DPYD: variants seen among roughly 807,000 people sequenced by gnomAD.
DPYD encodes dihydropyrimidine dehydrogenase.
In DPYD, 109 loss-of-function variants were observed where a neutral mutation model predicts 116.2. The ratio of observed to expected loss-of-function variants is 0.94; its 90% CI spans 0.80 to 1.10. DPYD has a LOEUF of 1.10. Among genes scored for constraint, DPYD ranks in the 50% least tolerant of loss-of-function variants. The probability of loss-of-function intolerance (pLI) is 0.00; values close to 1 mark genes in which losing one functional copy is unlikely to be tolerated. For missense variants in DPYD, 1,302 were observed against 1,254.5 expected (o/e 1.04, Z -0.57); for synonymous variants, 440 against 432.0 (o/e 1.02, Z -0.23).
chr1:97,694,335 T>TA (rs1183284447), intron 6 of DPYD, among the ~76,000 whole-genome samples: 2 of 152,072 alleles, frequency 1.3e-5, no homozygotes, highest in African/African-American at 2.4e-5. Flanking sequence ...AGTCAGCAAA[T>TA]AGACGAAACA....
In DPYD at chr1:97,227,982, C is replaced by G. The variant is rs1260252727; in HGVS notation, c.2442+6870G>C. 2.0e-5 allele frequency among the ~76,000 whole-genome samples: 3 copies of G among 151,790 alleles called. No homozygotes were observed. In the South Asian group the frequency reaches 6.2e-4, roughly 31 times the overall value. Reference sequence around the variant, plus strand: ...AATAAAAATTTTCTAGGATTTACAACCATCATTTTTTAATAAAAATATTAT... The same window carrying G: ...AATAAAAATTTTCTAGGATTTACAAGCATCATTTTTTAATAAAAATATTAT... On this transcript the variant is annotated intron_variant, in intron 19 of 22. Transcript: ENST00000370192.
At chr1:97,107,448 G>C (rs1392705080) in intron 20 of DPYD, among the ~76,000 whole-genome samples, 1 of 152,068 alleles carries the variant, frequency 6.6e-6, no homozygotes, top group Non-Finnish European at 1.5e-5. Flanking sequence ...TGAGGTAGGG[G>C]AGGTGACATG....
intron 3 of DPYD, among the ~76,000 whole-genome samples, chr1:97,761,736 G>C (rs1406878716): frequency 1.3e-5 from 2 of 152,070 alleles, no homozygotes; most frequent in Non-Finnish European, 2.9e-5. Flanking sequence ...ATTCACAATA[G>C]CAGAGACGTT....
intron 16 of DPYD, among the ~76,000 whole-genome samples, chr1:97,350,918 A>G (rs1670106609): frequency 6.6e-6 from 1 of 152,164 alleles, no homozygotes; most frequent in Non-Finnish European, 1.5e-5. Context: ...TAGTAATGAA[A>G]TGAATGAAAC....
At chr1:97,869,469 T>C (rs1450292924) in intron 2 of DPYD, among the ~76,000 whole-genome samples, 6 of 151,774 alleles carry the variant, frequency 4.0e-5, no homozygotes, top group Non-Finnish European at 8.8e-5. Flanking sequence ...CACCTTGGTA[T>C]AAGGACCATT....
chr1:97,554,611 G>T (rs1015321244), intron 11 of DPYD, among the ~76,000 whole-genome samples: 2 of 152,100 alleles, frequency 1.3e-5, no homozygotes, highest in Admixed American at 1.3e-4. Flanking sequence ...ATCTCAGCAA[G>T]ATCAAAATAA....
At chr1:97,483,314 G>T (rs571082190) in intron 13 of DPYD, among the ~76,000 whole-genome samples, 1 of 152,114 alleles carries the variant, frequency 6.6e-6, no homozygotes, top group African/African-American at 2.4e-5. Flanking sequence ...AGATGAGCAC[G>T]CTCTCCAGTT....
At chr1:97,529,701 CTTT>C (rs989424948) in intron 12 of DPYD, among the ~76,000 whole-genome samples, 1 of 133,020 alleles carries the variant, frequency 7.5e-6, no homozygotes, top group Non-Finnish European at 1.6e-5. Context: ...TCTTTCCTTT[CTTT>C]TTTCTTTCTT....
intron 13 of DPYD, among the ~76,000 whole-genome samples, chr1:97,462,038 T>C (rs1360253363): frequency 3.3e-5 from 5 of 152,254 alleles, no homozygotes; most frequent in Non-Finnish European, 7.3e-5. Flanking sequence ...AATCATGTTA[T>C]ACCTGAAAGG....
At chr1:97,482,344 T>G (rs1489448004) in intron 13 of DPYD, among the ~76,000 whole-genome samples, 1 of 152,190 alleles carries the variant, frequency 6.6e-6, no homozygotes, top group Non-Finnish European at 1.5e-5. Context: ...CAATGTCACA[T>G]CATAAACACC....
intron 12 of DPYD, chr1:97,546,631 T>G: frequency 6.2e-7 from 1 of 1,612,624 alleles, no homozygotes; most frequent in Non-Finnish European, 8.5e-7. Context: ...ACAAGAATGG[T>G]GGTGGCTTTA....
intron 8 of DPYD, among the ~76,000 whole-genome samples, chr1:97,657,418 T>G (rs1658991543): frequency 6.6e-6 from 1 of 152,186 alleles, no homozygotes; most frequent in African/African-American, 2.4e-5. Context: ...ATTTCCAAAT[T>G]CTAAAACATG....
Position 97,771,224 on chromosome 1 carries a change from C to T in DPYD, c.234-30745G>A, listed in dbSNP as rs193141876. 8.7e-4 allele frequency among the ~76,000 whole-genome samples: 133 copies of T among 152,072 alleles called. 1 individual carries two copies. Among genetic ancestry groups the T allele is most frequent in the Non-Finnish European group, 1.3e-3 (88 of 67,962 alleles). On this transcript the variant is annotated intron_variant, in intron 3 of 22. Transcript: ENST00000370192. ...GGGGGTAGTGGAGGTTGCAGTGAGC[C>T]GCACTCCAGTCTAGGTGACAGAACG...
At chr1:97,773,131 A>G (rs893384366) in intron 3 of DPYD, among the ~76,000 whole-genome samples, 6 of 152,192 alleles carry the variant, frequency 3.9e-5, no homozygotes, top group Non-Finnish European at 8.8e-5. Flanking sequence ...AGTTCTTACA[A>G]TGCCTATACC....
chr1:97,455,121 G>A (rs1676610130), intron 13 of DPYD, among the ~76,000 whole-genome samples: 2 of 151,856 alleles, frequency 1.3e-5, no homozygotes, highest in African/African-American at 2.4e-5. Flanking sequence ...ACCTCTTGGA[G>A]TAGGTAGATG....
intron 20 of DPYD, among the ~76,000 whole-genome samples, chr1:97,168,816 T>C (rs1444495412): frequency 2.0e-5 from 3 of 151,876 alleles, no homozygotes; most frequent in African/African-American, 4.8e-5. Flanking sequence ...TGCTTGCTCA[T>C]ATAGAGAAGG....
intron 20 of DPYD, among the ~76,000 whole-genome samples, chr1:97,130,870 CCTTCCTTCCTTCCTT>C (rs1653277137): frequency 1.4e-5 from 2 of 141,744 alleles, no homozygotes; most frequent in African/African-American, 5.4e-5. Flanking sequence ...TTCCTTCCTT[CCTTCCTTCCTTCCTT>C]CTTTCCTCCC....
chr1:97,592,209 C>A (rs1288893741), intron 10 of DPYD, among the ~76,000 whole-genome samples: 2 of 152,162 alleles, frequency 1.3e-5, no homozygotes, highest in Non-Finnish European at 2.9e-5. Flanking sequence ...TCTATAAATA[C>A]ATTTGGTTCT....
intron 21 of DPYD, among the ~76,000 whole-genome samples, chr1:97,094,095 CA>C (rs1054207196): frequency 2.6e-5 from 4 of 152,086 alleles, no homozygotes; most frequent in African/African-American, 9.7e-5. Flanking sequence ...GTGTATTCTG[CA>C]CACTTTGTTG....
Sources: gnomAD v4.1 joint callset for allele counts (sites outside exome capture counted in the v4.1 genomes callset) on GRCh38, gnomAD v4.1.1 for gene constraint, MANE v1.5 for transcripts, NCBI Gene and HGNC (gene_info 2026-07-23, HGNC 2026-07-21) for gene names.